The following RAB28 variants were observed in gnomAD, a reference collection of about 807,000 sequenced individuals.
The protein encoded by RAB28 is ras-related protein Rab-28.
In RAB28, 24 loss-of-function variants were observed where a neutral mutation model predicts 31.7. The ratio of observed to expected loss-of-function variants is 0.76; its 90% CI spans 0.55 to 1.06. RAB28 has a LOEUF of 1.06. RAB28 is among the 50% of genes least tolerant of loss of function. The pLI is 0.00. For synonymous variants in RAB28, 100 were observed against 90.4 expected (o/e 1.11, Z -0.60); for missense variants, 254 against 258.5 (o/e 0.98, Z 0.12).
intron 3 of RAB28, among the ~76,000 whole-genome samples, chr4:13,472,669 T>C (rs1716172388): frequency 6.6e-6 from 1 of 151,808 alleles, no homozygotes; most frequent in Non-Finnish European, 1.5e-5. Context: ...TAAAATCATA[T>C]ATGTAGCCTT....
intron 4 of RAB28, among the ~76,000 whole-genome samples, chr4:13,435,031 A>G (rs529823371): frequency 5.3e-4 from 80 of 150,794 alleles, no homozygotes; most frequent in Admixed American, 4.2e-3. Context: ...AAAAAAAAAA[A>G]AAAAGAAAAG....
intron 6 of RAB28, among the ~76,000 whole-genome samples, chr4:13,372,077 T>C (rs1728736226): frequency 6.6e-6 from 1 of 152,084 alleles, no homozygotes; most frequent in Non-Finnish European, 1.5e-5. Flanking sequence ...GGAGTAAACA[T>C]ACCCTGAAGG....
chr4:13,377,191 C>A (rs1460444859), intron 5 of RAB28, among the ~76,000 whole-genome samples: 1 of 152,066 alleles, frequency 6.6e-6, no homozygotes, highest in African/African-American at 2.4e-5. Flanking sequence ...TATGCCATTA[C>A]GATTAAACAA....
At chr4:13,371,077 C>A (rs1426887773) in intron 6 of RAB28, 2 of 983,846 alleles carry the variant, frequency 2.0e-6, no homozygotes, top group Non-Finnish European at 2.4e-6. Context: ...TTAATATGAG[C>A]TGCTGTGTGT....
chr4:13,388,102 A>C (rs1309767869), intron 4 of RAB28, among the ~76,000 whole-genome samples: 1 of 152,078 alleles, frequency 6.6e-6, no homozygotes, highest in Non-Finnish European at 1.5e-5. Flanking sequence ...TCAGACAGCA[A>C]GATTTACTTG....
At chr4:13,369,989 T>G in intron 6 of RAB28, 1 of 1,583,998 alleles carries the variant, frequency 6.3e-7, no homozygotes. Context: ...ACAACATAAA[T>G]GAGACAAAGA....
chr4:13,442,748 T>C (rs781339886), intron 4 of RAB28, among the ~76,000 whole-genome samples: 1 of 152,162 alleles, frequency 6.6e-6, no homozygotes, highest in Non-Finnish European at 1.5e-5. Flanking sequence ...ATAACAGATA[T>C]GGTTCTAGAA....
intron 4 of RAB28, among the ~76,000 whole-genome samples, chr4:13,428,914 T>C (rs1293519434): frequency 6.6e-6 from 1 of 151,742 alleles, no homozygotes; most frequent in African/African-American, 2.4e-5. Context: ...CGAAGAAGCA[T>C]TTGGCAAAAA....
chr4:13,378,152 A>G (rs577606341), intron 5 of RAB28, among the ~76,000 whole-genome samples: 1 of 152,314 alleles, frequency 6.6e-6, no homozygotes, highest in South Asian at 2.1e-4. Context: ...GAGATTATCA[A>G]AGGACTGAAC....
At chr4:13,471,948 AATG>A (rs902518714) in intron 3 of RAB28, among the ~76,000 whole-genome samples, 93 of 152,192 alleles carry the variant, frequency 6.1e-4, no homozygotes, top group African/African-American at 2.0e-3. Context: ...CTTAAAAAAT[AATG>A]AAGACATTTT....
chr4:13,431,525 T>C (rs898156128), intron 4 of RAB28, among the ~76,000 whole-genome samples: 1 of 152,082 alleles, frequency 6.6e-6, no homozygotes, highest in Non-Finnish European at 1.5e-5. Context: ...AAAAACCTGC[T>C]ACCAGAAGAG....
chr4:13,435,219 A>G (rs150942362), intron 4 of RAB28, among the ~76,000 whole-genome samples: 2 of 151,936 alleles, frequency 1.3e-5, no homozygotes, highest in African/African-American at 4.8e-5. Context: ...TCTGGGATAC[A>G]GCAAAAGTAG....
chr4:13,402,411 C>A (rs1711819070), intron 4 of RAB28, among the ~76,000 whole-genome samples: 1 of 152,140 alleles, frequency 6.6e-6, no homozygotes, highest in Admixed American at 6.5e-5. Flanking sequence ...TCAGTTTTTG[C>A]TTTGTGCAAG....
intron 4 of RAB28, among the ~76,000 whole-genome samples, chr4:13,407,701 C>A (rs1171500456): frequency 6.6e-6 from 1 of 152,116 alleles, no homozygotes; most frequent in Non-Finnish European, 1.5e-5. Context: ...GTTTGTAGTT[C>A]TCCTTGAAGA....
chr4:13,428,627 C>T lies in RAB28; in HGVS notation c.391+32072G>A, dbSNP rs144658306. 4.8e-3 allele frequency among the ~76,000 whole-genome samples: 731 copies of T among 152,010 alleles called. 5 individuals are homozygous for T. The highest frequency in any genetic ancestry group is 0.017 in the African/African-American group (684 of 41,450). The stretch of plus-strand genomic sequence containing the variant: ...TCGGTTGAGATTATAGTCTAAGGAA[C>T]AGAAAGAAAAGAAGTGAACAAAAAT... On this transcript the variant is annotated intron_variant, in intron 4 of 6. Coordinates refer to ENST00000330852, the MANE Select transcript of RAB28 (RefSeq NM_001017979.3).
intron 4 of RAB28, among the ~76,000 whole-genome samples, chr4:13,444,368 G>C (rs980256707): frequency 6.6e-6 from 1 of 151,900 alleles, no homozygotes; most frequent in Non-Finnish European, 1.5e-5. Flanking sequence ...ATTCGTGTGC[G>C]TGTGTGTATA....
chr4:13,483,914 A>G (rs1171424050), intron 1 of RAB28, among the ~76,000 whole-genome samples, 162 bp downstream of exon 1: 1 of 152,116 alleles, frequency 6.6e-6, no homozygotes, highest in Non-Finnish European at 1.5e-5. Flanking sequence ...GCCTTCACCA[A>G]GCGCCCACTT....
intron 4 of RAB28, among the ~76,000 whole-genome samples, chr4:13,388,990 T>G (rs1401277396): frequency 6.6e-6 from 1 of 152,074 alleles, no homozygotes; most frequent in African/African-American, 2.4e-5. Flanking sequence ...TGAAGAGATA[T>G]TTGCTATTTG....
At chr4:13,397,515 C>A (rs973898035) in intron 4 of RAB28, among the ~76,000 whole-genome samples, 1 of 151,968 alleles carries the variant, frequency 6.6e-6, no homozygotes, top group African/African-American at 2.4e-5. Flanking sequence ...AAATTTAAAT[C>A]TATTAACATA....
Sources: gnomAD v4.1 joint callset for allele counts (sites outside exome capture counted in the v4.1 genomes callset) on GRCh38, gnomAD v4.1.1 for gene constraint, MANE v1.5 for transcripts, NCBI Gene and HGNC (gene_info 2026-07-23, HGNC 2026-07-21) for gene names.